Variants in HCRTR2 observed in about 807,000 individuals in gnomAD.
HCRTR2 encodes hypocretin receptor 2.
In HCRTR2, 22 loss-of-function variants were observed where a neutral mutation model predicts 49.0. The ratio of observed to expected loss-of-function variants is 0.45; its 90% CI spans 0.32 to 0.64. The LOEUF (loss-of-function observed/expected upper bound fraction) is 0.64. Among genes scored for constraint, HCRTR2 ranks in the 30% least tolerant of loss-of-function variants. The pLI is 0.04. For missense variants in HCRTR2, 491 were observed against 559.4 expected (o/e 0.88, Z 1.23); for synonymous variants, 236 against 205.3 (o/e 1.15, Z -1.28).
chr6:55,168,589 A>G (rs1764908124), intron 1 of HCRTR2, among the ~76,000 whole-genome samples: 1 of 151,976 alleles, frequency 6.6e-6, no homozygotes. Context: ...TTTTTGAGAC[A>G]GTGTCTCATT....
chr6:55,222,053 AC>A lies in HCRTR2; in HGVS notation c.224-26584del, dbSNP rs1229752136. ...ATGAAATGGGAGAGAATATTTGCAAACCATATATCTGATAATGGGTTAGTAT... is the reference window on the plus strand; with the variant it reads ...ATGAAATGGGAGAGAATATTTGCAAACATATATCTGATAATGGGTTAGTAT... On this transcript the variant is annotated intron_variant, in intron 1 of 6. Coordinates refer to ENST00000370862, the MANE Select transcript of HCRTR2 (RefSeq NM_001384272.1). 2.0e-5 allele frequency among the ~76,000 whole-genome samples: 3 copies of A among 152,156 alleles called. No homozygotes were observed. The East Asian group carries it at 5.8e-4, about 29-fold the overall frequency.
intron 4 of HCRTR2, among the ~76,000 whole-genome samples, chr6:55,274,921 C>T (rs1767048759): frequency 6.6e-6 from 1 of 151,958 alleles, no homozygotes; most frequent in Non-Finnish European, 1.5e-5. Context: ...ATTATTTATT[C>T]TTTACTGTTT....
At chr6:55,166,069 T>G (rs1420950022) in intron 1 of HCRTR2, among the ~76,000 whole-genome samples, 1 of 152,056 alleles carries the variant, frequency 6.6e-6, no homozygotes, top group Non-Finnish European at 1.5e-5. Flanking sequence ...CTTTTCTGTG[T>G]CTTTTGAGAT....
intron 1 of HCRTR2, among the ~76,000 whole-genome samples, chr6:55,201,741 C>T (rs1383937168): frequency 6.6e-6 from 1 of 152,092 alleles, no homozygotes; most frequent in Admixed American, 6.6e-5. Flanking sequence ...GATACTCAAC[C>T]TCTTGCTTAG....
Position 55,128,824 on chromosome 6 carries a change from T to C in HCRTR2, c.-378+22279T>C, listed in dbSNP as rs537940531. Among the ~76,000 whole-genome samples the C allele has an allele frequency of 2.2e-4, 34 of 152,272 alleles. No individual in the cohort carries two copies. In the South Asian group the frequency reaches 6.0e-3, roughly 27 times the overall value. ...CTGTAGCACACTAGTATTTATTTAA[T>C]ATACTGTGGCACACTAGTATTGATT... is the stretch of plus-strand genomic sequence containing the variant. On this transcript the variant is annotated intron_variant, in intron 1 of 7. Coordinates refer to the HCRTR2 transcript ENST00000615358.
chr6:55,112,216 C>G (rs1764058454), intron 1 of HCRTR2, among the ~76,000 whole-genome samples: 2 of 151,888 alleles, frequency 1.3e-5, no homozygotes, highest in South Asian at 4.1e-4. Flanking sequence ...TGAAGGCATT[C>G]CCCCTGAGAA....
chr6:55,171,040 A>G (rs1286585365), upstream of HCRTR2, among the ~76,000 whole-genome samples: 2 of 152,032 alleles, frequency 1.3e-5, no homozygotes, highest in Non-Finnish European at 2.9e-5. Flanking sequence ...CGCAATAAAC[A>G]TATGTGTGCA....
intron 1 of HCRTR2, among the ~76,000 whole-genome samples, chr6:55,243,470 T>C (rs769166590): frequency 2.6e-5 from 4 of 152,160 alleles, no homozygotes; most frequent in Non-Finnish European, 5.9e-5. Flanking sequence ...TCTAAGAGAA[T>C]ATTGACAAAC....
At chr6:55,114,945 T>C (rs968857373) in intron 1 of HCRTR2, among the ~76,000 whole-genome samples, 7 of 151,684 alleles carry the variant, frequency 4.6e-5, no homozygotes, top group African/African-American at 1.7e-4. Flanking sequence ...CCAAAGACCC[T>C]TGTTTTCCAA....
chr6:55,226,368 G>A (rs371611474), intron 1 of HCRTR2, among the ~76,000 whole-genome samples: 3 of 152,238 alleles, frequency 2.0e-5, no homozygotes, highest in South Asian at 4.1e-4. Flanking sequence ...GAGTGCAATG[G>A]TACCATTTCA....
At chr6:55,146,772 T>A (rs1764586099) in intron 1 of HCRTR2, among the ~76,000 whole-genome samples, 1 of 152,264 alleles carries the variant, frequency 6.6e-6, no homozygotes, top group African/African-American at 2.4e-5. Context: ...TTGCTAATAA[T>A]ATAGTCTCTG....
At chr6:55,122,939 G>A (rs997831196) in intron 1 of HCRTR2, among the ~76,000 whole-genome samples, 9 of 139,100 alleles carry the variant, frequency 6.5e-5, no homozygotes, top group Admixed American at 6.1e-4. Context: ...GACACAAGAA[G>A]GGGAACATCA....
At chr6:55,232,474 G>A (rs1025448999) in intron 1 of HCRTR2, among the ~76,000 whole-genome samples, 2 of 152,140 alleles carry the variant, frequency 1.3e-5, no homozygotes, top group African/African-American at 4.8e-5. Flanking sequence ...CCGACATGTT[G>A]TCTAAAAGGA....
intron 1 of HCRTR2, among the ~76,000 whole-genome samples, chr6:55,195,213 A>G (rs1392454823): frequency 6.6e-6 from 1 of 152,200 alleles, no homozygotes; most frequent in Non-Finnish European, 1.5e-5. Context: ...TAAAAGACAA[A>G]TATCACAATA....
intron 1 of HCRTR2, among the ~76,000 whole-genome samples, chr6:55,212,244 T>G (rs1324404171): frequency 6.6e-6 from 1 of 151,240 alleles, no homozygotes; most frequent in African/African-American, 2.4e-5. Flanking sequence ...GAAGGAATTT[T>G]GACTACTCAA....
At chr6:55,146,529 C>A (rs1030965295) in intron 1 of HCRTR2, among the ~76,000 whole-genome samples, 3 of 150,656 alleles carry the variant, frequency 2.0e-5, no homozygotes, top group African/African-American at 2.4e-5. Context: ...GATAAAGTAC[C>A]TGACATTTGA....
intron 1 of HCRTR2, among the ~76,000 whole-genome samples, chr6:55,184,770 T>G (rs565735358): frequency 6.6e-6 from 1 of 152,330 alleles, no homozygotes; most frequent in South Asian, 2.1e-4. Context: ...ATAATATCCT[T>G]TTGTAGATTC....
chr6:55,256,791 C>T (rs1339521205), intron 3 of HCRTR2, among the ~76,000 whole-genome samples: 2 of 152,050 alleles, frequency 1.3e-5, no homozygotes, highest in Admixed American at 1.3e-4. Flanking sequence ...ACCTTGAGAA[C>T]TTAGTATATG....
intron 3 of HCRTR2, among the ~76,000 whole-genome samples, chr6:55,258,390 G>A (rs2127319185): frequency 6.6e-6 from 1 of 152,082 alleles, no homozygotes; most frequent in African/African-American, 2.4e-5. Flanking sequence ...AATAACTTTT[G>A]GAAAAGTTCT....
Sources: gnomAD v4.1 joint callset for allele counts (sites outside exome capture counted in the v4.1 genomes callset) on GRCh38, gnomAD v4.1.1 for gene constraint, MANE v1.5 for transcripts, NCBI Gene and HGNC (gene_info 2026-07-23, HGNC 2026-07-21) for gene names.